SP140: variants seen among roughly 807,000 people sequenced by gnomAD.
SP140 encodes nuclear body protein SP140.
In SP140, 81 loss-of-function variants were observed where a neutral mutation model predicts 125.0. The ratio of observed to expected loss-of-function variants is 0.65; its 90% confidence interval spans 0.54 to 0.78. SP140 has a LOEUF of 0.78. Among genes scored for constraint, SP140 ranks in the 30% least tolerant of loss-of-function variants. The pLI, the probability that SP140 is intolerant of heterozygous loss-of-function variation, is 0.00. For synonymous variants in SP140, 312 were observed against 354.0 expected (o/e 0.88, Z 1.33); for missense variants, 858 against 1,037.0 (o/e 0.83, Z 2.37).
chr2:230,219,493 A>G (rs568362336), intron 3 of SP140: 1 of 152,310 alleles, frequency 6.6e-6, no homozygotes, highest in African/African-American at 2.4e-5. Flanking sequence ...AAAGTTCATG[A>G]TACACTAGAG....
chr2:230,284,029 A>C (rs1041486733), intron 15 of SP140, among the ~76,000 whole-genome samples: 1 of 152,168 alleles, frequency 6.6e-6, no homozygotes, highest in African/African-American at 2.4e-5. Flanking sequence ...TTACACAACA[A>C]ACACTTGAAA....
Position 230,238,305 on chromosome 2 carries a change from T to C in SP140, c.330T>C (p.His110=). The change falls in exon 3 of 27, where the codon CAT becomes CAC. Residue 110 remains histidine (H), a synonymous_variant. Coordinates refer to ENST00000392045, the MANE Select transcript of SP140 (RefSeq NM_007237.5). ...SELEKTFGWS[H]LEALFSRINL... ...TGGAGAAGACATTTGGCTGGTCACA[T>C]CTGGAAGCATTGTTCAGCAGGATTA... 1 of 1,614,082 alleles carries C rather than the reference T, an allele frequency of 6.2e-7. No homozygotes were observed. Among genetic ancestry groups the C allele is most frequent in the East Asian group, 2.2e-5 (1 of 44,878 alleles).
At chr2:230,251,973 G>A (rs1323532028) in intron 10 of SP140, among the ~76,000 whole-genome samples, 1 of 152,046 alleles carries the variant, frequency 6.6e-6, no homozygotes, top group Non-Finnish European at 1.5e-5. Context: ...TCTGTGAGGC[G>A]GGCATGGGTT....
chr2:230,242,689 C>G (rs1354420951), intron 4 of SP140, among the ~76,000 whole-genome samples: 3 of 152,102 alleles, frequency 2.0e-5, no homozygotes, highest in Non-Finnish European at 2.9e-5. Context: ...CACTATTATC[C>G]CATGGTTTTT....
intron 19 of SP140, among the ~76,000 whole-genome samples, chr2:230,290,977 G>T (rs2057045157): frequency 6.6e-6 from 1 of 152,202 alleles, no homozygotes; most frequent in Non-Finnish European, 1.5e-5. Flanking sequence ...CTGAGTTCCA[G>T]CCTTTGCTGT....
chr2:230,215,090 A>T, intron 3 of SP140: 1 of 1,613,960 alleles, frequency 6.2e-7, no homozygotes, highest in Non-Finnish European at 8.5e-7. Flanking sequence ...GGATACAGGG[A>T]TCAAATTTCT....
At chr2:230,268,640 G>C (rs899887067) in intron 12 of SP140, among the ~76,000 whole-genome samples, 10 of 152,098 alleles carry the variant, frequency 6.6e-5, no homozygotes, top group Admixed American at 5.9e-4. Flanking sequence ...ACTTCCAACT[G>C]AAAATATCTA....
chr2:230,199,049 A>G (rs1033630885), upstream of SP140, among the ~76,000 whole-genome samples: 11 of 151,964 alleles, frequency 7.2e-5, no homozygotes, highest in Admixed American at 5.9e-4. Context: ...AGGATGATGG[A>G]GCAACAAGCA....
At chr2:230,289,621 G>T (rs952517856) in intron 18 of SP140, among the ~76,000 whole-genome samples, 2 of 152,084 alleles carry the variant, frequency 1.3e-5, no homozygotes, top group African/African-American at 4.8e-5. Context: ...ATTACAGGTG[G>T]GCACCACCAT....
chr2:230,202,562 T>C (rs201976454), upstream of SP140: 29 of 1,613,782 alleles, frequency 1.8e-5, no homozygotes, highest in African/African-American at 2.8e-4. Context: ...AATGGCAGAT[T>C]CCATCATCAG....
intron 1 of SP140, chr2:230,230,580 A>G (rs2047099212): frequency 6.6e-6 from 1 of 152,260 alleles, no homozygotes; most frequent in African/African-American, 2.4e-5. Flanking sequence ...TTAAACTATA[A>G]ACTAAATTCT....
At chr2:230,254,929 C>T (rs2050912647) in intron 11 of SP140, among the ~76,000 whole-genome samples, 1 of 152,188 alleles carries the variant, frequency 6.6e-6, no homozygotes. Context: ...TGTGTTGTTG[C>T]CTTGGCCCAC....
chr2:230,186,284 A>T, the SP140 span: 2 of 773,740 alleles, frequency 2.6e-6, no homozygotes, highest in Non-Finnish European at 4.2e-6. Flanking sequence ...GACTCATAAT[A>T]CTTCCTTCTA....
chr2:230,277,953 G>T (rs1334231413), intron 15 of SP140, among the ~76,000 whole-genome samples: 2 of 152,100 alleles, frequency 1.3e-5, no homozygotes, highest in Non-Finnish European at 2.9e-5. Flanking sequence ...TGTGGATGCA[G>T]ATACCTCTTT....
At chr2:230,191,480 T>C in the SP140 span, among the ~76,000 whole-genome samples, 107 of 152,192 alleles carry the variant, frequency 7.0e-4, 1 homozygote, top group East Asian at 7.9e-3. Context: ...AAATACAAAC[T>C]ACCATCAGAG....
chr2:230,229,823 CT>C (rs1007481132), intron 1 of SP140, among the ~76,000 whole-genome samples: 18 of 150,904 alleles, frequency 1.2e-4, no homozygotes, highest in African/African-American at 3.6e-4. Flanking sequence ...CCTACATAGG[CT>C]TTTTTTTTCT....
At chr2:230,289,766 C>T (rs183105320) in intron 18 of SP140, among the ~76,000 whole-genome samples, 3 of 152,290 alleles carry the variant, frequency 2.0e-5, no homozygotes, top group South Asian at 2.1e-4. Context: ...TGAGCCACCA[C>T]GCCTGGCCCT....
At position 230,290,567 on chromosome 2, in the gene SP140, AG is replaced by A; in HGVS notation, c.1825+5del. 1 of 1,608,424 alleles carries A rather than the reference AG, an allele frequency of 6.2e-7. No homozygotes were observed. The highest frequency in any genetic ancestry group is 8.5e-7 in the Non-Finnish European group (1 of 1,175,412). On this transcript the variant is annotated splice_donor_region_variant and intron_variant, in intron 19 of 26. Coordinates refer to ENST00000392045, the MANE Select transcript of SP140 (RefSeq NM_007237.5). Reference sequence around the variant, plus strand: ...ACATAAGAAGAAATTGCAGCAAGGTAGGTTTTATGGTCTTCTTTAATTTGCA... The same window carrying A: ...ACATAAGAAGAAATTGCAGCAAGGTAGTTTTATGGTCTTCTTTAATTTGCA...
chr2:230,191,870 A>C, the SP140 span, among the ~76,000 whole-genome samples: 2 of 152,182 alleles, frequency 1.3e-5, no homozygotes, highest in Non-Finnish European at 2.9e-5. Flanking sequence ...GATGAACATC[A>C]ATACGAAAAT....
Sources: allele counts gnomAD v4.1 joint callset (sites outside exome capture counted in the v4.1 genomes callset), GRCh38; gene constraint gnomAD v4.1.1; transcripts MANE v1.5; gene names NCBI Gene and HGNC (gene_info 2026-07-23, HGNC 2026-07-21).